GPC5: variants seen among roughly 807,000 people sequenced by gnomAD.
GPC5 encodes glypican 5.
Under a neutral mutation model 53.9 loss-of-function variants are expected in GPC5, and 47 were observed. That is an observed-to-expected ratio of 0.87 (90% CI 0.69 to 1.11). The LOEUF is 1.11. Ranked by LOEUF, GPC5 falls within the 50% of genes most tolerant of loss-of-function variation. The pLI, the probability that GPC5 is intolerant of heterozygous loss-of-function variation, is 0.00. For missense variants in GPC5, 748 were observed against 713.1 expected (o/e 1.05, Z -0.56); for synonymous variants, 286 against 263.3 (o/e 1.09, Z -0.84).
Position 91,455,243 on chromosome 13 carries a change from G to A in GPC5, c.325+6321G>A, listed in dbSNP as rs923417080. 1.2e-4 allele frequency among the ~76,000 whole-genome samples: 18 copies of A among 151,860 alleles called. 1 individual carries two copies. The highest frequency in any genetic ancestry group is 4.4e-5 in the Non-Finnish European group (3 of 67,936). On this transcript the variant is annotated intron_variant, in intron 2 of 7. Transcript: ENST00000377067. ...ATAGAAGCACAATTGTGGTTTATAG[G>A]CTATGCACTTGTTTACTTTACTAGA...
At chr13:91,924,201 A>G (rs561670061) in intron 6 of GPC5, among the ~76,000 whole-genome samples, 1 of 152,294 alleles carries the variant, frequency 6.6e-6, no homozygotes, top group African/African-American at 2.4e-5. Context: ...ACATACCACA[A>G]ACATATCAAA....
intron 7 of GPC5, among the ~76,000 whole-genome samples, chr13:92,754,560 A>T (rs376755361): frequency 8.6e-5 from 13 of 151,658 alleles, no homozygotes; most frequent in East Asian, 5.9e-4. Context: ...TCAAGACCCA[A>T]CAGTGTGCTG....
chr13:91,883,778 A>G (rs1338462664), intron 5 of GPC5, among the ~76,000 whole-genome samples: 1 of 151,918 alleles, frequency 6.6e-6, no homozygotes, highest in African/African-American at 2.4e-5. Flanking sequence ...GATTTTTTTT[A>G]TTTTTATTTT....
intron 6 of GPC5, among the ~76,000 whole-genome samples, chr13:92,143,491 T>C (rs1256382624): frequency 1.3e-5 from 2 of 152,054 alleles, no homozygotes; most frequent in African/African-American, 4.8e-5. Flanking sequence ...AGTAGAAAAG[T>C]TTGTCTAACT....
chr13:91,621,660 G>T (rs920737471), intron 2 of GPC5, among the ~76,000 whole-genome samples: 9 of 151,130 alleles, frequency 6.0e-5, no homozygotes, highest in African/African-American at 2.2e-4. Flanking sequence ...TCAATATTTA[G>T]TATTTTCCCA....
At chr13:91,922,599 C>G (rs916808599) in intron 6 of GPC5, among the ~76,000 whole-genome samples, 1 of 152,170 alleles carries the variant, frequency 6.6e-6, no homozygotes, top group Non-Finnish European at 1.5e-5. Context: ...CTCAGTTTCT[C>G]TCAACATAGA....
At chr13:92,031,815 A>C (rs2040850359) in intron 6 of GPC5, among the ~76,000 whole-genome samples, 1 of 108,234 alleles carries the variant, frequency 9.2e-6, no homozygotes, top group African/African-American at 3.9e-5. Flanking sequence ...ATAATATATT[A>C]CATATTATAT....
intron 2 of GPC5, among the ~76,000 whole-genome samples, chr13:91,564,780 A>G: frequency 6.6e-6 from 1 of 152,138 alleles, no homozygotes; most frequent in East Asian, 1.9e-4. Flanking sequence ...ATTATCAGGC[A>G]TATTATCGAT....
chr13:91,764,535 G>C (rs1490465397), intron 5 of GPC5, among the ~76,000 whole-genome samples: 5 of 152,134 alleles, frequency 3.3e-5, no homozygotes, highest in African/African-American at 1.2e-4. Flanking sequence ...GTGCCTGAAG[G>C]CTCTTTCATT....
intron 2 of GPC5, among the ~76,000 whole-genome samples, chr13:91,524,556 A>G (rs1885997203): frequency 6.6e-6 from 1 of 152,136 alleles, no homozygotes; most frequent in Non-Finnish European, 1.5e-5. Flanking sequence ...GGCATTATTT[A>G]TATTCTGTTC....
chr13:92,632,363 AATT>A (rs1353684563), intron 7 of GPC5, among the ~76,000 whole-genome samples: 2 of 151,406 alleles, frequency 1.3e-5, no homozygotes, highest in African/African-American at 4.8e-5. Flanking sequence ...TAACTCCCAG[AATT>A]ATTTTTTTTG....
rs145391483 is a variant in GPC5, at chr13:91,581,667, A to G, written c.326-111520A>G. Among the ~76,000 whole-genome samples the G allele has an allele frequency of 6.3e-3, 960 of 152,302 alleles. 10 individuals carry two copies. The highest frequency in any genetic ancestry group is 0.022 in the African/African-American group (925 of 41,576). On this transcript the variant is annotated intron_variant, in intron 2 of 7. Transcript: ENST00000377067. ...TTGTAATTTCAATCCTGCACAATTT[A>G]TGAGTCTCTTATACTCTAAAAATGA...
chr13:91,703,345 T>A (rs919869442), intron 3 of GPC5, among the ~76,000 whole-genome samples: 2 of 152,150 alleles, frequency 1.3e-5, no homozygotes, highest in Non-Finnish European at 2.9e-5. Context: ...TTGAGATAAA[T>A]TCCTCCTATA....
At position 92,666,107 on chromosome 13, in the gene GPC5, C is replaced by A. The variant is rs559034471; in HGVS notation, c.1562-200175C>A. On this transcript the variant is annotated intron_variant, in intron 7 of 7. Transcript: ENST00000377067. ...AAATAAGTTACATAAAATACCAACC[C>A]AAAGCTTGTAAATTACTTTATCCAT... is the stretch of plus-strand genomic sequence containing the variant. 1.0e-3 allele frequency among the ~76,000 whole-genome samples: 159 copies of A among 152,216 alleles called. 3 individuals carry two copies. In the South Asian group the frequency reaches 0.031, roughly 30 times the overall value.
chr13:91,592,350 G>A (rs2032831059), intron 2 of GPC5, among the ~76,000 whole-genome samples: 1 of 152,174 alleles, frequency 6.6e-6, no homozygotes, highest in South Asian at 2.1e-4. Context: ...GAGGAAGAGA[G>A]GTAACCTCCT....
rs1412145795 is a variant in GPC5, at chr13:92,691,003, G to T, written c.1562-175279G>T. On this transcript the variant is annotated intron_variant, in intron 7 of 7. Transcript: ENST00000377067. ...GACAGGGACACTTAAGTCTGCAGAG[G>T]TTACTGCTGTCTTTTTGTTTGTCTG... Among the ~76,000 whole-genome samples the T allele has an allele frequency of 3.7e-4, 24 of 65,216 alleles. 3 individuals are homozygous for T. Among genetic ancestry groups the T allele is most frequent in the Non-Finnish European group, 5.8e-4 (21 of 36,180 alleles). The allele number at this position is 65,216 out of a possible 152,430, so 42.8% of individuals were successfully genotyped here.
intron 7 of GPC5, among the ~76,000 whole-genome samples, chr13:92,239,653 T>G (rs899817543): frequency 5.3e-5 from 8 of 151,990 alleles, no homozygotes; most frequent in Non-Finnish European, 1.0e-4. Flanking sequence ...CAACAATATA[T>G]CAGATTCATT....
At chr13:92,816,868 C>T (rs1594526406) in intron 7 of GPC5, among the ~76,000 whole-genome samples, 2 of 151,910 alleles carry the variant, frequency 1.3e-5, no homozygotes, top group East Asian at 3.9e-4. Flanking sequence ...ACTCCATGTC[C>T]AGTTTCCACA....
intron 7 of GPC5, among the ~76,000 whole-genome samples, chr13:92,787,046 C>T (rs893405756): frequency 6.6e-6 from 1 of 152,132 alleles, no homozygotes; most frequent in South Asian, 2.1e-4. Flanking sequence ...TTTCTTTTAA[C>T]AGCTTCATGC....
Sources: gnomAD v4.1 joint callset for allele counts (sites outside exome capture counted in the v4.1 genomes callset) on GRCh38, gnomAD v4.1.1 for gene constraint, MANE v1.5 for transcripts, NCBI Gene and HGNC (gene_info 2026-07-23, HGNC 2026-07-21) for gene names.